GOLM2: variants seen among roughly 807,000 people sequenced by gnomAD.
The protein encoded by GOLM2 is golgi membrane protein 2, also known as protein GOLM2.
In GOLM2, 26 loss-of-function variants were observed where a neutral mutation model predicts 55.9. The observed-to-expected ratio is 0.47, with a 90% CI of 0.34 to 0.65. The LOEUF is 0.65. GOLM2 is among the 30% of genes least tolerant of loss of function. The probability of loss-of-function intolerance (pLI) is 0.01; values close to 1 mark genes in which losing one functional copy is unlikely to be tolerated. For missense variants in GOLM2, 486 were observed against 531.8 expected (o/e 0.91, Z 0.85); for synonymous variants, 165 against 194.6 (o/e 0.85, Z 1.27).
At position 44,333,992 on chromosome 15, in the gene GOLM2, G is replaced by A. The variant is rs989506003; in HGVS notation, c.576+1914G>A. On this transcript the variant is annotated intron_variant, in intron 4 of 9. Transcript: ENST00000299957. ...AGCCTCCCAAAGTGCTGGGATTACA[G>A]GCGTGAGGCACCACGCCCGGCCGCT... is the stretch of plus-strand genomic sequence containing the variant. Among the ~76,000 whole-genome samples, 9 of 152,278 alleles carry A rather than the reference G, an allele frequency of 5.9e-5. No individual in the cohort carries two copies. The East Asian group carries it at 1.7e-3, about 29-fold the overall frequency.
chr15:44,309,551 T>G (rs1213332079), intron 1 of GOLM2, among the ~76,000 whole-genome samples: 2 of 152,218 alleles, frequency 1.3e-5, no homozygotes, highest in East Asian at 3.8e-4. Context: ...GGCTAAAAGC[T>G]AAAGACTTTT....
At chr15:44,382,577 T>A (rs1365022046) in intron 8 of GOLM2, among the ~76,000 whole-genome samples, 1 of 152,130 alleles carries the variant, frequency 6.6e-6, no homozygotes, top group Non-Finnish European at 1.5e-5. Context: ...TCCGCCCGCC[T>A]CGGCCTCCCA....
At chr15:44,345,635 G>A (rs554751996) in intron 6 of GOLM2, among the ~76,000 whole-genome samples, 14 of 152,196 alleles carry the variant, frequency 9.2e-5, no homozygotes, top group Non-Finnish European at 1.8e-4. Context: ...TATAAACAAA[G>A]AGGAAAATCG....
chr15:44,359,789 G>C (rs1342329209), intron 6 of GOLM2, among the ~76,000 whole-genome samples: 3 of 152,128 alleles, frequency 2.0e-5, no homozygotes, highest in Admixed American at 6.5e-5. Flanking sequence ...AAAATATTAA[G>C]GGCAGCCAGA....
At chr15:44,306,546 T>C (rs1299242213) in intron 1 of GOLM2, among the ~76,000 whole-genome samples, 1 of 152,246 alleles carries the variant, frequency 6.6e-6, no homozygotes, top group Non-Finnish European at 1.5e-5. Flanking sequence ...AGTAACACTT[T>C]GAATTTCCTT....
intron 6 of GOLM2, among the ~76,000 whole-genome samples, chr15:44,365,468 A>G (rs2079277329): frequency 6.6e-6 from 1 of 152,118 alleles, no homozygotes; most frequent in Non-Finnish European, 1.5e-5. Context: ...TTGAGGCTGC[A>G]GTGAGCTGTG....
At chr15:44,402,773 C>A in intron 8 of GOLM2, 114 bp from the exon 9 acceptor site, 1 of 881,454 alleles carries the variant, frequency 1.1e-6, no homozygotes, top group Non-Finnish European at 1.7e-6. Flanking sequence ...CTTTTATATC[C>A]AGTACCCCAA....
At chr15:44,329,840 T>C (rs2079009854) in intron 3 of GOLM2, among the ~76,000 whole-genome samples, 1 of 150,418 alleles carries the variant, frequency 6.6e-6, no homozygotes, top group Admixed American at 6.6e-5. Context: ...AGATTGAGGC[T>C]GCAGTGAGCC....
At chr15:44,307,449 T>A (rs923660859) in intron 1 of GOLM2, 5 of 152,364 alleles carry the variant, frequency 3.3e-5, no homozygotes, top group African/African-American at 1.2e-4. Context: ...CCTGACCTCG[T>A]GATCCGCCCA....
chr15:44,383,596 T>A (rs1463897369), intron 8 of GOLM2, among the ~76,000 whole-genome samples: 2 of 151,960 alleles, frequency 1.3e-5, no homozygotes, highest in Non-Finnish European at 2.9e-5. Flanking sequence ...AATCTGTGCA[T>A]CAGTTTTGAC....
chr15:44,394,266 G>A (rs1032217315), intron 8 of GOLM2, among the ~76,000 whole-genome samples: 21 of 152,346 alleles, frequency 1.4e-4, no homozygotes, highest in Middle Eastern at 3.4e-3. Context: ...TCTTTGGAAT[G>A]TACAGGGTTT....
chr15:44,412,035 G>A lies in GOLM2; in HGVS notation c.1241-1301G>A, dbSNP rs1286326250. ...ACAAAATGTAGCCTGGTGTGGTGGC[G>A]TGCACCTGTGGTCCCAGCTACCTGG... On this transcript the variant is annotated intron_variant, in intron 9 of 9. Transcript: ENST00000299957. Among the ~76,000 whole-genome samples the A allele has an allele frequency of 2.6e-5, 4 of 152,076 alleles. 1 individual carries two copies. Among genetic ancestry groups the A allele is most frequent in the South Asian group, 4.2e-4 (2 of 4,816 alleles).
At chr15:44,360,639 A>G (rs575359478) in intron 6 of GOLM2, among the ~76,000 whole-genome samples, 33 of 152,292 alleles carry the variant, frequency 2.2e-4, no homozygotes, top group African/African-American at 7.7e-4. Context: ...CATTAGACAG[A>G]TCAACGAGAC....
At chr15:44,341,691 A>ATTTTTTT (rs752182459) in intron 6 of GOLM2, among the ~76,000 whole-genome samples, 2 of 120,872 alleles carry the variant, frequency 1.7e-5, no homozygotes, top group Non-Finnish European at 3.4e-5. Context: ...ATTTTATTAG[A>ATTTTTTT]TTTTTTTTTT....
At chr15:44,342,997 C>T (rs1230875247) in intron 6 of GOLM2, among the ~76,000 whole-genome samples, 1 of 152,110 alleles carries the variant, frequency 6.6e-6, no homozygotes, top group Non-Finnish European at 1.5e-5. Flanking sequence ...AAATGTAAAA[C>T]ACTTAGAACA....
rs1051696015 is a variant in GOLM2 at position 44,414,066 on chromosome 15, C to T, written c.*660C>T. On this transcript the variant is annotated 3_prime_UTR_variant, in exon 10 of 10. Transcript: ENST00000299957. ...GGCCAGGCTGGTCTTGAACTCCTGA[C>T]CTCAGGTGATCCTCCTGCATTGGCC... The T allele has an allele frequency of 4.6e-5, 7 of 152,300 alleles. No individual in the cohort carries two copies. Among genetic ancestry groups the T allele is most frequent in the African/African-American group, 1.7e-4 (7 of 41,434 alleles). The allele number at this position is 152,300 out of a possible 1,614,324, so 9.4% of individuals were successfully genotyped here.
intron 1 of GOLM2, among the ~76,000 whole-genome samples, chr15:44,315,706 A>G (rs1393917642): frequency 6.6e-6 from 1 of 152,202 alleles, no homozygotes; most frequent in African/African-American, 2.4e-5. Context: ...CAGTAAACAC[A>G]TTTTAAGAGA....
At chr15:44,334,215 T>C (rs2079041665) in intron 4 of GOLM2, among the ~76,000 whole-genome samples, 1 of 152,192 alleles carries the variant, frequency 6.6e-6, no homozygotes. Context: ...GAACTTCTCC[T>C]TTCTGGGTAG....
intron 8 of GOLM2, among the ~76,000 whole-genome samples, chr15:44,396,478 A>G (rs2079527792): frequency 6.6e-6 from 1 of 152,186 alleles, no homozygotes; most frequent in Non-Finnish European, 1.5e-5. Flanking sequence ...GTTTAAAAGG[A>G]TAGTTGTATT....
Sources: allele counts gnomAD v4.1 joint callset (sites outside exome capture counted in the v4.1 genomes callset), GRCh38; gene constraint gnomAD v4.1.1; transcripts MANE v1.5; gene names NCBI Gene and HGNC (gene_info 2026-07-23, HGNC 2026-07-21).